Variants in TXK observed in about 807,000 individuals in gnomAD.
TXK encodes tyrosine-protein kinase TXK.
TXK carries 60 observed loss-of-function variants against 81.0 expected under a neutral mutation model. The ratio of observed to expected loss-of-function variants is 0.74; its 90% CI spans 0.60 to 0.92. The LOEUF is 0.92. Among genes scored for constraint, TXK ranks in the 40% least tolerant of loss-of-function variants. The probability of loss-of-function intolerance (pLI) is 0.00; values close to 1 mark genes in which losing one functional copy is unlikely to be tolerated. For synonymous variants in TXK, 203 were observed against 210.7 expected (o/e 0.96, Z 0.32); for missense variants, 581 against 638.3 (o/e 0.91, Z 0.97).
Position 48,067,049 on chromosome 4 carries a change from A to C in TXK, c.*588T>G, listed in dbSNP as rs968019872. The C allele has an allele frequency of 1.1e-4, 16 of 152,366 alleles. No individual in the cohort carries two copies. Among genetic ancestry groups the C allele is most frequent in the African/African-American group, 3.9e-4 (16 of 41,466 alleles). 9.4% of individuals were successfully genotyped at this position (152,366 alleles called of 1,614,324 possible). On this transcript the variant is annotated 3_prime_UTR_variant, in exon 15 of 15. Transcript: ENST00000264316. Reference sequence around the variant, plus strand: ...AATGCAAAAAACTGCTTTCAATATAATCAGATATGTGCAAAAACAATTTGT... The same window carrying C: ...AATGCAAAAAACTGCTTTCAATATACTCAGATATGTGCAAAAACAATTTGT...
At chr4:48,116,497 T>C (rs1718817926) in intron 1 of TXK, among the ~76,000 whole-genome samples, 3 of 152,132 alleles carry the variant, frequency 2.0e-5, no homozygotes, top group Non-Finnish European at 4.4e-5. Context: ...CAGAGTGTAG[T>C]AAAACTACAA....
chr4:48,073,573 T>C (rs1577646332), intron 13 of TXK, among the ~76,000 whole-genome samples: 1 of 152,238 alleles, frequency 6.6e-6, no homozygotes, highest in South Asian at 2.1e-4. Flanking sequence ...TGCTTCACAG[T>C]TTAGACAATT....
chr4:48,076,495 T>G (rs1310939193), intron 11 of TXK, 29 bp from the exon 12 acceptor site: 1 of 1,591,116 alleles, frequency 6.3e-7, no homozygotes, highest in Admixed American at 1.7e-5. Context: ...AATCCAAGTT[T>G]GAATACAAGC....
chr4:48,094,877 A>G (rs972112198), intron 7 of TXK, among the ~76,000 whole-genome samples: 1 of 152,220 alleles, frequency 6.6e-6, no homozygotes, highest in African/African-American at 2.4e-5. Context: ...GAACAGACCA[A>G]GGGATATGAG....
chr4:48,082,259 T>C lies in TXK; in HGVS notation c.957-2131A>G, dbSNP rs183243882. ...TCTAAAATTAACCTGTAAAACTAGT[T>C]CAGGCCACGATGGGAAGAGGGAGTT... On this transcript the variant is annotated intron_variant, in intron 10 of 14. Transcript: ENST00000264316. Among the ~76,000 whole-genome samples the C allele has an allele frequency of 6.8e-4, 104 of 152,300 alleles. 2 individuals carry two copies. The East Asian group carries it at 0.018, about 26-fold the overall frequency.
intron 5 of TXK, 26 bp downstream of exon 5, chr4:48,110,512 T>C: frequency 5.8e-6 from 9 of 1,555,344 alleles, no homozygotes; most frequent in African/African-American, 5.4e-5. Flanking sequence ...CTGATTTTCA[T>C]AGGTTATATT....
intron 1 of TXK, among the ~76,000 whole-genome samples, chr4:48,128,362 T>C (rs564198236): frequency 6.6e-6 from 1 of 152,290 alleles, no homozygotes; most frequent in Non-Finnish European, 1.5e-5. Context: ...GAATGTCTGA[T>C]ACCGGCTGCT....
intron 1 of TXK, among the ~76,000 whole-genome samples, chr4:48,132,969 T>C (rs1214014605): frequency 1.3e-5 from 2 of 152,020 alleles, no homozygotes; most frequent in African/African-American, 4.8e-5. Context: ...AGTCTCATAC[T>C]TAAATCCTGC....
At position 48,092,356 on chromosome 4, in the gene TXK, G is replaced by A. The variant is rs574009712; in HGVS notation, c.709+1721C>T. ...ATTGAGTTAGAGAAGGCCAAAAAGG[G>A]GTGGTGTCAAACATCGAAGGAGCAA... On this transcript the variant is annotated intron_variant, in intron 8 of 14. Coordinates refer to ENST00000264316, the MANE Select transcript of TXK (RefSeq NM_003328.3). Among the ~76,000 whole-genome samples the A allele has an allele frequency of 8.7e-4, 132 of 152,254 alleles. 1 individual carries two copies. The highest frequency in any genetic ancestry group is 3.1e-3 in the African/African-American group (128 of 41,544).
intron 6 of TXK, among the ~76,000 whole-genome samples, chr4:48,102,153 A>G (rs2109449543): frequency 6.6e-6 from 1 of 151,904 alleles, no homozygotes; most frequent in African/African-American, 2.4e-5. Context: ...TAATTTTTGT[A>G]TTTTCAGGAG....
At chr4:48,117,300 T>C (rs1450161046) in intron 1 of TXK, among the ~76,000 whole-genome samples, 1 of 152,232 alleles carries the variant, frequency 6.6e-6, no homozygotes, top group Non-Finnish European at 1.5e-5. Flanking sequence ...CCTGTAGGAT[T>C]TGGGTTTTTG....
At chr4:48,096,404 G>C (rs1039279008) in intron 6 of TXK, among the ~76,000 whole-genome samples, 6 of 152,156 alleles carry the variant, frequency 3.9e-5, no homozygotes, top group Admixed American at 3.3e-4. Flanking sequence ...TAGAAACAAA[G>C]TAGAAAGGGT....
At chr4:48,075,501 T>A (rs1717030933) in intron 12 of TXK, among the ~76,000 whole-genome samples, 1 of 152,098 alleles carries the variant, frequency 6.6e-6, no homozygotes, top group African/African-American at 2.4e-5. Context: ...AAATAAAAAA[T>A]TAGCTGGGCG....
chr4:48,121,977 CACAT>C (rs1718974662), intron 1 of TXK, among the ~76,000 whole-genome samples: 2 of 152,194 alleles, frequency 1.3e-5, no homozygotes, highest in South Asian at 4.1e-4. Flanking sequence ...AACACACACA[CACAT>C]ACTTATTGCT....
chr4:48,103,936 C>T (rs1350674831), intron 6 of TXK, among the ~76,000 whole-genome samples: 1 of 151,736 alleles, frequency 6.6e-6, no homozygotes, highest in Non-Finnish European at 1.5e-5. Flanking sequence ...GGCGTGGTGG[C>T]TCACACCTGT....
chr4:48,110,262 C>T (rs1277662365), intron 5 of TXK, among the ~76,000 whole-genome samples: 3 of 152,010 alleles, frequency 2.0e-5, no homozygotes, highest in African/African-American at 7.2e-5. Context: ...GTAAATTTTC[C>T]AGTTAAGATA....
chr4:48,087,949 G>T (rs879902701), intron 9 of TXK, among the ~76,000 whole-genome samples: 19 of 152,200 alleles, frequency 1.2e-4, no homozygotes, highest in Middle Eastern at 3.4e-3. Flanking sequence ...TTCTTATTCT[G>T]AATATAAATA....
chr4:48,072,008 C>T (rs1261759386), intron 13 of TXK, among the ~76,000 whole-genome samples: 2 of 145,500 alleles, frequency 1.4e-5, no homozygotes, highest in Admixed American at 1.4e-4. Flanking sequence ...GGCTGGAGTG[C>T]AGTGGCATGA....
chr4:48,134,208 GTTC>G lies in TXK; in HGVS notation c.-41_-39del, dbSNP rs778052273. On this transcript the variant is annotated 5_prime_UTR_variant, in exon 1 of 15. Coordinates refer to ENST00000264316, the MANE Select transcript of TXK (RefSeq NM_003328.3). The stretch of plus-strand genomic sequence containing the variant: ...TGCGGGGAGCACACAACAGTCTTCA[GTTC>G]TTCTGCGGTGCTCTACTCACAAAAA... 4.6e-5 allele frequency: 74 copies of G among 1,611,198 alleles called. 3 individuals are homozygous for G. The South Asian group carries it at 7.8e-4, about 17-fold the overall frequency.
Sources: gnomAD v4.1 joint callset for allele counts (sites outside exome capture counted in the v4.1 genomes callset) on GRCh38, gnomAD v4.1.1 for gene constraint, MANE v1.5 for transcripts, NCBI Gene and HGNC (gene_info 2026-07-23, HGNC 2026-07-21) for gene names.